Variants in ZNF479 observed in about 807,000 individuals in gnomAD.
The protein encoded by ZNF479 is zinc finger protein 479.
In ZNF479, 15 loss-of-function variants were observed where a neutral mutation model predicts 14.7. That is an observed-to-expected ratio of 1.02 (90% CI 0.68 to 1.57). The LOEUF is 1.57. Ranked by LOEUF, ZNF479 falls within the 40% of genes most tolerant of loss-of-function variation. The pLI is 0.00. For synonymous variants in ZNF479, 145 were observed against 211.5 expected (o/e 0.69, Z 2.73); for missense variants, 506 against 615.1 (o/e 0.82, Z 1.88).
chr7:57,122,030 A>G (rs1182418164), intron 3 of ZNF479, among the ~76,000 whole-genome samples: 1 of 152,122 alleles, frequency 6.6e-6, no homozygotes, highest in Admixed American at 6.5e-5. Flanking sequence ...GTAAGAAAAA[A>G]GTATGTAAAA....
chr7:57,120,621 C>T lies in ZNF479; in HGVS notation c.794G>A (p.Gly265Glu). 3 of 1,613,916 alleles carry T rather than the reference C, an allele frequency of 1.9e-6. No homozygotes were observed. The highest frequency in any genetic ancestry group is 1.7e-6 in the Non-Finnish European group (2 of 1,179,876). ...NLTRHKRTHT[G>E]EKPYTCEECG... ...TTCTTCACACGTGTAGGGTTTCTCT[C>T]CAGTATGAGTTCTCTTATGTCTAGT... The change falls in exon 4 of 4, where the codon GGA becomes GAA. Residue 265 changes from glycine to glutamate, a missense_variant. Coordinates refer to ENST00000319636, the MANE Select transcript of ZNF479 (RefSeq NM_001370129.2).
upstream of ZNF479, among the ~76,000 whole-genome samples, chr7:57,132,877 C>G (rs1786498558): frequency 1.3e-5 from 2 of 152,118 alleles, no homozygotes; most frequent in South Asian, 4.1e-4. Context: ...GTGGCTCACA[C>G]CTATAATCCC....
At chr7:57,129,551 G>C (rs1463421272) in intron 1 of ZNF479, among the ~76,000 whole-genome samples, 1 of 149,152 alleles carries the variant, frequency 6.7e-6, no homozygotes, top group Admixed American at 6.7e-5. Flanking sequence ...AAGTTTACAG[G>C]GACAACAGAA....
At chr7:57,130,217 G>C (rs1438962065) in intron 1 of ZNF479, among the ~76,000 whole-genome samples, 2 of 152,210 alleles carry the variant, frequency 1.3e-5, no homozygotes, top group African/African-American at 2.4e-5. Flanking sequence ...GCTTGCTCCT[G>C]TAATCCCAGC....
upstream of ZNF479, among the ~76,000 whole-genome samples, chr7:57,136,460 G>T (rs1236619786): frequency 6.6e-6 from 1 of 152,074 alleles, no homozygotes; most frequent in Non-Finnish European, 1.5e-5. Context: ...AATAATGGAT[G>T]AAATTTCCCT....
rs563781262 is a variant in ZNF479 at position 57,138,199 on chromosome 7, A to G, written c.-15+1409T>C. 1.9e-3 allele frequency among the ~76,000 whole-genome samples: 283 copies of G among 152,342 alleles called. 1 individual carries two copies. The highest frequency in any genetic ancestry group is 6.4e-3 in the African/African-American group (268 of 41,578). ...GCTCACAGGTATAATGAAGACTCAC[A>G]TATGTGAACCCAGCCAGTAGAAGAC... On this transcript the variant is annotated intron_variant, in intron 1 of 4. Coordinates refer to the ZNF479 transcript ENST00000331162.
intron 1 of ZNF479, among the ~76,000 whole-genome samples, 156 bp downstream of exon 1, chr7:57,132,130 C>T (rs547133714): frequency 3.3e-5 from 5 of 152,282 alleles, no homozygotes; most frequent in African/African-American, 1.2e-4. Context: ...CACCATCTTG[C>T]GGCTGGAGGG....
upstream of ZNF479, among the ~76,000 whole-genome samples, chr7:57,133,586 G>C (rs1786524516): frequency 6.6e-6 from 1 of 152,184 alleles, no homozygotes; most frequent in Non-Finnish European, 1.5e-5. Context: ...AAAAGGTGGA[G>C]CTGGGCGCAG....
At chr7:57,123,482 A>G (rs1786035495) in intron 3 of ZNF479, among the ~76,000 whole-genome samples, 1 of 152,230 alleles carries the variant, frequency 6.6e-6, no homozygotes, top group East Asian at 1.9e-4. Flanking sequence ...GCAAGTGGAT[A>G]CACAATATTC....
At chr7:57,130,616 T>C (rs1234425790) in intron 1 of ZNF479, among the ~76,000 whole-genome samples, 2 of 152,120 alleles carry the variant, frequency 1.3e-5, no homozygotes, top group African/African-American at 2.4e-5. Context: ...CAAAAACAGA[T>C]GCTTGTGAGG....
rs563070410 is a variant in ZNF479, at chr7:57,127,360, T to C, written c.40-642A>G. Among the ~76,000 whole-genome samples, 5 of 152,268 alleles carry C rather than the reference T, an allele frequency of 3.3e-5. No individual in the cohort carries two copies. In the South Asian group the frequency reaches 6.2e-4, roughly 19 times the overall value. On this transcript the variant is annotated intron_variant, in intron 1 of 3. Coordinates refer to ENST00000319636, the MANE Select transcript of ZNF479 (RefSeq NM_001370129.2). ...TTTTGAGTGCTATATTTACATCATATAGAATAAGTTGTGTATATTTCTCAG... is the reference window on the plus strand; with the variant it reads ...TTTTGAGTGCTATATTTACATCATACAGAATAAGTTGTGTATATTTCTCAG...
At chr7:57,135,160 A>G (rs1786591306), upstream of ZNF479, among the ~76,000 whole-genome samples, 1 of 152,214 alleles carries the variant, frequency 6.6e-6, no homozygotes, top group Non-Finnish European at 1.5e-5. Flanking sequence ...ATACCTGGGT[A>G]AAGAATGGGA....
intron 3 of ZNF479, among the ~76,000 whole-genome samples, chr7:57,123,614 A>T (rs1252431392): frequency 2.0e-5 from 3 of 152,100 alleles, no homozygotes; most frequent in Non-Finnish European, 4.4e-5. Context: ...TGGAAGAATC[A>T]CTTGGGGCAA....
At chr7:57,139,259 T>C (rs1786777579) in intron 1 of ZNF479, among the ~76,000 whole-genome samples, 2 of 152,214 alleles carry the variant, frequency 1.3e-5, no homozygotes, top group Non-Finnish European at 2.9e-5. Flanking sequence ...GCAGTCAAAG[T>C]TGGAATTATG....
upstream of ZNF479, among the ~76,000 whole-genome samples, chr7:57,135,413 G>GT (rs1786600936): frequency 6.6e-6 from 1 of 151,782 alleles, no homozygotes; most frequent in Non-Finnish European, 1.5e-5. Context: ...TTGTTTGTTT[G>GT]TTTTTTTGTT....
In ZNF479 at chr7:57,126,280, T is replaced by G. The variant is rs562682957; in HGVS notation, c.167-167A>C. ...TATTTTAAATTTGTAGGTCCTTAAT[T>G]TCACTACTCAGTACTACTGAATCAA... On this transcript the variant is annotated intron_variant, in intron 2 of 3. Transcript: ENST00000319636. Among the ~76,000 whole-genome samples the G allele has an allele frequency of 2.1e-3, 315 of 151,852 alleles. 1 individual carries two copies. Among genetic ancestry groups the G allele is most frequent in the African/African-American group, 7.2e-3 (299 of 41,360 alleles).
chr7:57,132,443 C>G (rs1332869643), upstream of ZNF479: 1 of 1,499,848 alleles, frequency 6.7e-7, no homozygotes, highest in African/African-American at 1.4e-5. Context: ...AAAGGACCCG[C>G]AAAATTACGG....
At chr7:57,122,993 TA>T (rs1238722916) in intron 3 of ZNF479, among the ~76,000 whole-genome samples, 3 of 152,218 alleles carry the variant, frequency 2.0e-5, no homozygotes, top group Non-Finnish European at 2.9e-5. Flanking sequence ...AAAAATCAAT[TA>T]AAAAAACTGA....
Position 57,132,432 on chromosome 7 carries a change from C to G in ZNF479, c.-108G>C. 2 of 1,565,436 alleles carry G rather than the reference C, an allele frequency of 1.3e-6. No individual in the cohort carries two copies. Among genetic ancestry groups the G allele is most frequent in the South Asian group, 2.2e-5 (2 of 89,456 alleles). On this transcript the variant is annotated 5_prime_UTR_variant, in exon 1 of 4. Coordinates refer to ENST00000319636, the MANE Select transcript of ZNF479 (RefSeq NM_001370129.2). The stretch of plus-strand genomic sequence containing the variant: ...CTGCAGCTCTGGACGCAGAGAAACA[C>G]AAAGGACCCGCAAAATTACGGAAGT...
Sources: allele counts gnomAD v4.1 joint callset (sites outside exome capture counted in the v4.1 genomes callset), GRCh38; gene constraint gnomAD v4.1.1; transcripts MANE v1.5; gene names NCBI Gene and HGNC (gene_info 2026-07-23, HGNC 2026-07-21).